Variants in COG5 observed in about 807,000 individuals in gnomAD.
COG5 encodes the protein conserved oligomeric Golgi complex subunit 5.
In COG5, 86 loss-of-function variants were observed where a neutral mutation model predicts 110.4. The observed-to-expected ratio is 0.78, with a 90% CI of 0.65 to 0.93. The LOEUF (loss-of-function observed/expected upper bound fraction) is 0.93. Ranked by LOEUF, COG5 falls within the 40% of genes least tolerant of loss-of-function variation. COG5 has a pLI of 0.00. For missense variants in COG5, 1,077 were observed against 987.0 expected (o/e 1.09, Z -1.22); for synonymous variants, 360 against 334.6 (o/e 1.08, Z -0.83).
chr7:107,460,618 A>G (rs573508868), intron 6 of COG5, among the ~76,000 whole-genome samples: 9 of 152,198 alleles, frequency 5.9e-5, no homozygotes, highest in Admixed American at 3.9e-4. Context: ...GTAGAAATCA[A>G]TAAAACAGAA....
chr7:107,413,461 A>C (rs1035036665), intron 6 of COG5, among the ~76,000 whole-genome samples: 1 of 151,940 alleles, frequency 6.6e-6, no homozygotes, highest in Admixed American at 6.6e-5. Context: ...AGAAAGGTCT[A>C]TATTATTTTA....
At chr7:107,515,630 A>T (rs1799866713) in intron 6 of COG5, among the ~76,000 whole-genome samples, 1 of 152,184 alleles carries the variant, frequency 6.6e-6, no homozygotes, top group African/African-American at 2.4e-5. Flanking sequence ...GGAGGTGGAG[A>T]GGAGAATGAT....
chr7:107,304,208 A>G (rs1161650755), intron 11 of COG5, among the ~76,000 whole-genome samples: 4 of 152,136 alleles, frequency 2.6e-5, no homozygotes, highest in Non-Finnish European at 4.4e-5. Context: ...GGACAGACCC[A>G]TCCGAAACCT....
chr7:107,555,156 G>T (rs1216369597), intron 2 of COG5, among the ~76,000 whole-genome samples: 2 of 152,018 alleles, frequency 1.3e-5, no homozygotes, highest in Non-Finnish European at 2.9e-5. Context: ...CATACCCACA[G>T]CAAATCCTTT....
chr7:107,512,209 A>C (rs944925253), intron 6 of COG5, among the ~76,000 whole-genome samples: 7 of 152,218 alleles, frequency 4.6e-5, no homozygotes, highest in African/African-American at 1.7e-4. Flanking sequence ...CTCAGGATAC[A>C]AAATCAATGT....
In COG5 at chr7:107,341,543, A is replaced by T. The variant is rs564936221; in HGVS notation, c.1027-17022T>A. On this transcript the variant is annotated intron_variant, in intron 10 of 21. Coordinates refer to ENST00000297135, the MANE Select transcript of COG5 (RefSeq NM_006348.5). Reference sequence around the variant, plus strand: ...AAAAGTATTCTAAAATTCATATGGAACCAAAAAAAAAGAGCCTGAATAGTT... The same window carrying T: ...AAAAGTATTCTAAAATTCATATGGATCCAAAAAAAAAGAGCCTGAATAGTT... Among the ~76,000 whole-genome samples the T allele has an allele frequency of 1.1e-4, 17 of 152,228 alleles. No individual in the cohort carries two copies. The South Asian group carries it at 2.9e-3, about 26-fold the overall frequency.
intron 5 of COG5, among the ~76,000 whole-genome samples, chr7:107,542,735 C>T (rs577834258): frequency 1.3e-5 from 2 of 151,982 alleles, no homozygotes; most frequent in South Asian, 4.2e-4. Context: ...TTTGGGAGGC[C>T]GAGGCAGGTG....
intron 6 of COG5, among the ~76,000 whole-genome samples, chr7:107,445,431 AAAC>A (rs1365834013): frequency 2.0e-5 from 3 of 152,234 alleles, no homozygotes; most frequent in African/African-American, 7.2e-5. Flanking sequence ...TAAGAATATT[AAAC>A]TTTTCTATAC....
intron 7 of COG5, among the ~76,000 whole-genome samples, chr7:107,384,223 A>T (rs754051486): frequency 2.6e-5 from 4 of 152,068 alleles, no homozygotes; most frequent in African/African-American, 9.7e-5. Flanking sequence ...ATTTCCCCCA[A>T]AATAGCGCCC....
At chr7:107,417,222 T>C (rs1331668978) in intron 6 of COG5, among the ~76,000 whole-genome samples, 1 of 152,228 alleles carries the variant, frequency 6.6e-6, no homozygotes, top group East Asian at 1.9e-4. Context: ...CAGATGTTTC[T>C]AAAATACTTA....
intron 17 of COG5, among the ~76,000 whole-genome samples, chr7:107,241,805 G>A (rs1445570253): frequency 6.6e-6 from 1 of 151,766 alleles, no homozygotes; most frequent in Non-Finnish European, 1.5e-5. Flanking sequence ...TTTTGAAACA[G>A]GGTCTTACTT....
In COG5 at chr7:107,428,264, A is replaced by T. The variant is rs183099604; in HGVS notation, c.539-15632T>A. The stretch of plus-strand genomic sequence containing the variant: ...AGGGACCTGCCCCTGTCTGCTTAGG[A>T]TTTGTCTGCCTCCTGCTACTATCCT... On this transcript the variant is annotated intron_variant, in intron 6 of 21. Transcript: ENST00000297135. Among the ~76,000 whole-genome samples, 951 of 152,096 alleles carry T rather than the reference A, an allele frequency of 6.3e-3. 6 individuals are homozygous for T. The highest frequency in any genetic ancestry group is 0.015 in the South Asian group (74 of 4,794).
intron 5 of COG5, among the ~76,000 whole-genome samples, chr7:107,546,805 T>C (rs187639016): frequency 2.4e-3 from 363 of 152,188 alleles, no homozygotes; most frequent in African/African-American, 8.0e-3. Flanking sequence ...TCTAGACATA[T>C]ACAACTTACA....
At chr7:107,337,824 AG>A (rs1450011513) in intron 10 of COG5, among the ~76,000 whole-genome samples, 2 of 152,210 alleles carry the variant, frequency 1.3e-5, no homozygotes, top group Non-Finnish European at 2.9e-5. Context: ...ACATGGAAAT[AG>A]GTACCTGAGG....
intron 10 of COG5, among the ~76,000 whole-genome samples, chr7:107,335,601 G>C (rs372361831): frequency 6.6e-6 from 1 of 152,154 alleles, no homozygotes. Flanking sequence ...AATGGCAGTA[G>C]TGAGTTCTTA....
intron 6 of COG5, among the ~76,000 whole-genome samples, chr7:107,482,877 T>C (rs986744826): frequency 6.6e-6 from 1 of 152,222 alleles, no homozygotes; most frequent in African/African-American, 2.4e-5. Flanking sequence ...TTCATAAAAT[T>C]CTTACTCAAA....
At chr7:107,260,961 T>G (rs1010124593) in intron 14 of COG5, among the ~76,000 whole-genome samples, 56 of 151,356 alleles carry the variant, frequency 3.7e-4, no homozygotes, top group African/African-American at 1.2e-3. Context: ...TTGTTTGTTT[T>G]TGTTTTTTTT....
At chr7:107,324,928 CTCA>C (rs891134877) in intron 10 of COG5, among the ~76,000 whole-genome samples, 52 of 152,068 alleles carry the variant, frequency 3.4e-4, no homozygotes, top group African/African-American at 1.2e-3. Flanking sequence ...AATTATTACT[CTCA>C]TCATCATTTT....
In COG5 at chr7:107,202,686, A is replaced by ATGTT. The variant is rs1021313967; in HGVS notation, c.*826_*829dup. The ATGTT allele has an allele frequency of 1.6e-4, 25 of 152,292 alleles. No individual in the cohort carries two copies. Among genetic ancestry groups the ATGTT allele is most frequent in the African/African-American group, 5.1e-4 (21 of 41,576 alleles). The allele number at this position is 152,292 out of a possible 1,614,324, so 9.4% of individuals were successfully genotyped here. On this transcript the variant is annotated 3_prime_UTR_variant, in exon 22 of 22. Coordinates refer to ENST00000297135, the MANE Select transcript of COG5 (RefSeq NM_006348.5). ...GATAGGATTTTAAAAATTAAAAACA[A>ATGTT]TGTTAATAGTGGAACAAGAGCCATC... is the stretch of plus-strand genomic sequence containing the variant.
Sources: allele counts gnomAD v4.1 joint callset (sites outside exome capture counted in the v4.1 genomes callset), GRCh38; gene constraint gnomAD v4.1.1; transcripts MANE v1.5; gene names NCBI Gene and HGNC (gene_info 2026-07-23, HGNC 2026-07-21).